PBX1: variants seen among roughly 807,000 people sequenced by gnomAD.
PBX1 encodes PBX homeobox 1.
PBX1 carries 6 observed loss-of-function variants against 53.4 expected under a neutral mutation model. The ratio of observed to expected loss-of-function variants is 0.11; its 90% CI spans 0.06 to 0.22. The LOEUF (loss-of-function observed/expected upper bound fraction) is 0.22, where lower values mean the gene tolerates loss of function less well. Among genes scored for constraint, PBX1 ranks in the 10% least tolerant of loss-of-function variants. PBX1 has a pLI of 1.00. For synonymous variants in PBX1, 204 were observed against 212.3 expected (o/e 0.96, Z 0.34); for missense variants, 251 against 551.4 (o/e 0.46, Z 5.46).
intron 2 of PBX1, among the ~76,000 whole-genome samples, chr1:164,671,137 A>T (rs570086204): frequency 2.0e-5 from 3 of 152,108 alleles, no homozygotes; most frequent in Non-Finnish European, 4.4e-5. Flanking sequence ...CACCGACAGA[A>T]ATCACAAAAC....
At chr1:164,836,098 A>C (rs1272245556) in intron 8 of PBX1, among the ~76,000 whole-genome samples, 1 of 152,182 alleles carries the variant, frequency 6.6e-6, no homozygotes, top group Non-Finnish European at 1.5e-5. Context: ...TACATCTATT[A>C]AAAAAGCTTT....
At chr1:164,692,206 C>T (rs189776925) in intron 2 of PBX1, among the ~76,000 whole-genome samples, 3 of 152,246 alleles carry the variant, frequency 2.0e-5, no homozygotes, top group African/African-American at 4.8e-5. Flanking sequence ...GCAGCTCATA[C>T]GCAGGCAGAA....
intron 2 of PBX1, among the ~76,000 whole-genome samples, chr1:164,749,070 T>A (rs891027361): frequency 6.6e-6 from 1 of 152,196 alleles, no homozygotes; most frequent in African/African-American, 2.4e-5. Context: ...CCCTTTGAGA[T>A]ATTCTTCCTT....
At position 164,851,791 on chromosome 1, in the gene PBX1, C is replaced by T. The variant is rs1462544200; in HGVS notation, c.*5115C>T. 2 of 175,800 alleles carry T rather than the reference C, an allele frequency of 1.1e-5. No homozygotes were observed. The highest frequency in any genetic ancestry group is 2.5e-5 in the Non-Finnish European group (2 of 81,620). 10.9% of individuals were successfully genotyped at this position (175,800 alleles called of 1,614,324 possible). ...AGTCTCCTAATTTGTACTGGTAATG[C>T]ATATTCCAAATAAATAGTTTCTTTT... is the stretch of plus-strand genomic sequence containing the variant. On this transcript the variant is annotated 3_prime_UTR_variant, in exon 9 of 9. Transcript: ENST00000420696.
chr1:164,573,865 C>A (rs1323213080), intron 2 of PBX1, among the ~76,000 whole-genome samples: 1 of 152,212 alleles, frequency 6.6e-6, no homozygotes, highest in African/African-American at 2.4e-5. Flanking sequence ...CCATATGGGA[C>A]AGCACAGCCA....
intron 8 of PBX1, chr1:164,828,718 T>G (rs1015365904): frequency 6.6e-6 from 1 of 151,908 alleles, no homozygotes; most frequent in Non-Finnish European, 1.5e-5. Context: ...GCATGGTCCC[T>G]CTAGATGTCA....
intron 1 of PBX1, among the ~76,000 whole-genome samples, chr1:164,562,516 A>G (rs906866969): frequency 1.3e-4 from 19 of 151,352 alleles, no homozygotes; most frequent in African/African-American, 3.9e-4. Flanking sequence ...CTAATCTAAA[A>G]GACAAAATTG....
At chr1:164,572,558 A>C (rs187587094) in intron 2 of PBX1, among the ~76,000 whole-genome samples, 1 of 152,268 alleles carries the variant, frequency 6.6e-6, no homozygotes, top group East Asian at 1.9e-4. Flanking sequence ...CTTTTGAAAA[A>C]GATTGGAGAA....
At chr1:164,870,246 C>T (rs1488912493) in intron 2 of PBX1, among the ~76,000 whole-genome samples, 3 of 59,284 alleles carry the variant, frequency 5.1e-5, no homozygotes, top group African/African-American at 1.4e-4. Context: ...TCCTTCCTTC[C>T]TTCCTTCCTT....
intron 2 of PBX1, among the ~76,000 whole-genome samples, chr1:164,750,470 TAA>T (rs1053975254): frequency 6.7e-6 from 1 of 149,892 alleles, no homozygotes; most frequent in Admixed American, 6.6e-5. Flanking sequence ...AATCAGAGCT[TAA>T]AAAAATTTTT....
chr1:164,647,707 G>A lies in PBX1; in HGVS notation c.265+84396G>A, dbSNP rs944910865. Among the ~76,000 whole-genome samples the A allele has an allele frequency of 9.2e-5, 14 of 152,104 alleles. No homozygotes were observed. The East Asian group carries it at 1.9e-3, about 21-fold the overall frequency. On this transcript the variant is annotated intron_variant, in intron 2 of 8. Coordinates refer to ENST00000420696, the MANE Select transcript of PBX1 (RefSeq NM_002585.4). ...CCTGGCTGAACATTAAAATCACCTGGGGAACTTTTAAAAAATATTACTGGT... is the reference window on the plus strand; with the variant it reads ...CCTGGCTGAACATTAAAATCACCTGAGGAACTTTTAAAAAATATTACTGGT...
Position 164,846,893 on chromosome 1 carries a change from C to T in PBX1, c.*217C>T. 1.4e-6 allele frequency: 2 copies of T among 1,383,816 alleles called. No homozygotes were observed. Among genetic ancestry groups the T allele is most frequent in the East Asian group, 2.5e-5 (1 of 39,236 alleles). The allele number at this position is 1,383,816 out of a possible 1,614,324, so 85.7% of individuals were successfully genotyped here. A position where few individuals can be genotyped will look rare whatever the true frequency, so the allele number is the denominator to read the frequency against. Reference sequence around the variant, plus strand: ...CCCTTTTTTTTCTGGGTAGAAGCCACCCTTCCCTGCCTCCAGCTGTCAGCC... The same window carrying T: ...CCCTTTTTTTTCTGGGTAGAAGCCATCCTTCCCTGCCTCCAGCTGTCAGCC... On this transcript the variant is annotated 3_prime_UTR_variant, in exon 9 of 9. Transcript: ENST00000420696.
chr1:164,883,340 G>A (rs1239708179), intron 2 of PBX1, among the ~76,000 whole-genome samples: 1 of 152,164 alleles, frequency 6.6e-6, no homozygotes, highest in Non-Finnish European at 1.5e-5. Context: ...GAATTTGGTG[G>A]AAAGGGATTG....
chr1:164,629,217 A>T (rs1389841484), intron 2 of PBX1, among the ~76,000 whole-genome samples: 1 of 151,888 alleles, frequency 6.6e-6, no homozygotes, highest in African/African-American at 2.4e-5. Flanking sequence ...GCTGATACTC[A>T]TGATCTAAAA....
intron 2 of PBX1, among the ~76,000 whole-genome samples, chr1:164,632,920 T>C (rs1479496407): frequency 1.3e-5 from 2 of 152,146 alleles, no homozygotes; most frequent in Admixed American, 1.3e-4. Flanking sequence ...CTAGGGTTCA[T>C]GTAGAGTTAA....
intron 2 of PBX1, among the ~76,000 whole-genome samples, chr1:164,747,992 A>G (rs6659756): frequency 0.088 from 13,416 of 152,150 alleles, 901 homozygotes; most frequent in African/African-American, 0.17. Flanking sequence ...GCAGTTCATG[A>G]AAAGAGGTGT....
intron 2 of PBX1, among the ~76,000 whole-genome samples, chr1:164,611,849 T>C (rs1223416591): frequency 6.6e-6 from 1 of 152,110 alleles, no homozygotes; most frequent in African/African-American, 2.4e-5. Flanking sequence ...GGCCTCCCAC[T>C]AACATTTCTC....
At chr1:164,771,908 G>C (rs539623394) in intron 2 of PBX1, among the ~76,000 whole-genome samples, 65 of 152,286 alleles carry the variant, frequency 4.3e-4, no homozygotes, top group African/African-American at 1.1e-3. Flanking sequence ...AGGCCGGAAG[G>C]GGGGCTGGGC....
intron 2 of PBX1, among the ~76,000 whole-genome samples, chr1:164,564,887 T>C (rs1653322961): frequency 6.6e-6 from 1 of 152,014 alleles, no homozygotes; most frequent in African/African-American, 2.4e-5. Flanking sequence ...CTTATTTACT[T>C]TGAGTGTTTG....
Sources: allele counts gnomAD v4.1 joint callset (sites outside exome capture counted in the v4.1 genomes callset), GRCh38; gene constraint gnomAD v4.1.1; transcripts MANE v1.5; gene names NCBI Gene and HGNC (gene_info 2026-07-23, HGNC 2026-07-21).